Variants in WDPCP observed in about 807,000 individuals in gnomAD.
The protein encoded by WDPCP is WD repeat-containing and planar cell polarity effector protein fritz homolog.
A neutral mutation model predicts 93.1 loss-of-function variants in WDPCP; 71 were observed. That is an observed-to-expected ratio of 0.76 (90% CI 0.63 to 0.93). The LOEUF (loss-of-function observed/expected upper bound fraction) is 0.93. Ranked by LOEUF, WDPCP falls within the 40% of genes least tolerant of loss-of-function variation. The probability of loss-of-function intolerance (pLI) is 0.00; values close to 1 mark genes in which losing one functional copy is unlikely to be tolerated. For synonymous variants in WDPCP, 315 were observed against 315.0 expected, an observed-to-expected ratio of 1.00 and a Z score of 0.00; for missense variants, 844 against 887.4, an observed-to-expected ratio of 0.95 and a Z score of 0.62.
At chr2:63,521,608 G>A (rs930516452) in intron 1 of WDPCP, among the ~76,000 whole-genome samples, 1 of 152,116 alleles carries the variant, frequency 6.6e-6, no homozygotes, top group African/African-American at 2.4e-5. Context: ...GACAGTATTA[G>A]ACAGATCATC....
At position 63,437,422 on chromosome 2, in the gene WDPCP, T is replaced by TTA. The variant is rs769674404; in HGVS notation, c.630_631dup (p.Lys211IlefsTer12). 17 of 1,597,674 alleles carry TTA rather than the reference T, an allele frequency of 1.1e-5. No individual in the cohort carries two copies. The highest frequency in any genetic ancestry group is 1.5e-5 in the Non-Finnish European group (17 of 1,170,952). On this transcript the variant is annotated frameshift_variant and splice_region_variant, in exon 8 of 18. Coordinates refer to ENST00000272321, the MANE Select transcript of WDPCP (RefSeq NM_015910.7). LOFTEE classifies it high-confidence loss of function. ...GACTATATAAATCAAAATCTCTACC[T>TTA]TATAATCCAAGGCTGAGAGTTTTTC...
chr2:63,548,841 T>C (rs1221780516), intron 1 of WDPCP, among the ~76,000 whole-genome samples: 1 of 151,968 alleles, frequency 6.6e-6, no homozygotes, highest in African/African-American at 2.4e-5. Flanking sequence ...CAAAAAATAA[T>C]TAAAATAAAT....
At chr2:63,444,822 C>A (rs17027898) in intron 6 of WDPCP, among the ~76,000 whole-genome samples, 2,350 of 152,246 alleles carry the variant, frequency 0.015, 135 homozygotes, top group East Asian at 0.13. Flanking sequence ...TTCTTTGACA[C>A]CCCGCCAGAC....
intron 12 of WDPCP, among the ~76,000 whole-genome samples, chr2:63,329,097 T>C (rs527589536): frequency 6.6e-6 from 1 of 152,354 alleles, no homozygotes; most frequent in Admixed American, 6.5e-5. Flanking sequence ...TGTAGTACAG[T>C]ATTTGTTAAT....
chr2:63,160,432 G>C (rs553870581), intron 15 of WDPCP, among the ~76,000 whole-genome samples: 1 of 152,228 alleles, frequency 6.6e-6, no homozygotes, highest in East Asian at 1.9e-4. Flanking sequence ...GTTTCTGAAA[G>C]ATTGATACTG....
At chr2:63,464,509 A>G (rs1699218407) in intron 6 of WDPCP, among the ~76,000 whole-genome samples, 2 of 152,190 alleles carry the variant, frequency 1.3e-5, no homozygotes, top group African/African-American at 4.8e-5. Flanking sequence ...GAACTAGCGT[A>G]TGATCTAGTG....
intron 14 of WDPCP, among the ~76,000 whole-genome samples, chr2:63,200,546 G>A (rs1181917705): frequency 4.6e-5 from 7 of 152,098 alleles, no homozygotes; most frequent in African/African-American, 9.7e-5. Flanking sequence ...GCAACAACAC[G>A]GATGGAAGTG....
At chr2:63,604,025 C>G (rs1347327178) in intron 3 of WDPCP, among the ~76,000 whole-genome samples, 1 of 152,196 alleles carries the variant, frequency 6.6e-6, no homozygotes, top group Admixed American at 6.5e-5. Context: ...TTGCAGGACC[C>G]TAAAGTGCTT....
Position 63,119,991 on chromosome 2 carries a change from A to G in WDPCP, c.*2015T>C, listed in dbSNP as rs868082214. The stretch of plus-strand genomic sequence containing the variant: ...GGGGAAAATGGGTACTTTAAGAACT[A>G]TGATTTGTTTAATTTTCACCTACAT... On this transcript the variant is annotated 3_prime_UTR_variant, in exon 18 of 18. Transcript: ENST00000272321. Among the ~76,000 whole-genome samples, 5 of 152,274 alleles carry G rather than the reference A, an allele frequency of 3.3e-5. 1 individual carries two copies. The highest frequency in any genetic ancestry group is 6.8e-3 in the Middle Eastern group (2 of 294).
intron 17 of WDPCP, among the ~76,000 whole-genome samples, chr2:63,150,128 A>G (rs1671790023): frequency 1.3e-5 from 2 of 152,190 alleles, no homozygotes; most frequent in Admixed American, 1.3e-4. Context: ...TTGAGGAGGG[A>G]CACCCAGGGG....
the WDPCP span, among the ~76,000 whole-genome samples, chr2:63,832,874 CTT>C: frequency 6.6e-6 from 1 of 152,174 alleles, no homozygotes; most frequent in Admixed American, 6.5e-5. Context: ...ATAACAATAA[CTT>C]GAGATTAATC....
chr2:63,338,551 TAAA>T (rs373990599), intron 12 of WDPCP, among the ~76,000 whole-genome samples: 73 of 25,036 alleles, frequency 2.9e-3, no homozygotes, highest in Middle Eastern at 0.028. Flanking sequence ...AAACTCCATC[TAAA>T]AAAAAAAAAA....
chr2:63,346,812 C>T (rs1575192167), intron 12 of WDPCP, among the ~76,000 whole-genome samples: 3 of 152,190 alleles, frequency 2.0e-5, no homozygotes, highest in African/African-American at 4.8e-5. Flanking sequence ...CACTTGCATT[C>T]CCTCTCTTTG....
chr2:63,437,361 T>C (rs972236111), intron 8 of WDPCP, 60 bp downstream of exon 8: 71 of 1,309,940 alleles, frequency 5.4e-5, no homozygotes, highest in Non-Finnish European at 6.6e-5. Flanking sequence ...TACCAACTTA[T>C]GTGATACTCT....
In WDPCP at chr2:63,722,582, G is replaced by A. The variant is rs1402658272; in HGVS notation, n.309-71744C>T. On this transcript the variant is annotated intron_variant and non_coding_transcript_variant, in intron 2 of 4. Transcript: ENST00000467687. ...GTGGGGGGGGGTCAGCCCCCCGCCC[G>A]GCCAGCCGCCCCGTCCGGGAGGGAG... Among the ~76,000 whole-genome samples, 9 of 129,360 alleles carry A rather than the reference G, an allele frequency of 7.0e-5. 1 individual carries two copies. Among genetic ancestry groups the A allele is most frequent in the Admixed American group, 1.5e-4 (2 of 13,100 alleles). The allele number at this position is 129,360 out of a possible 152,430, so 84.9% of individuals were successfully genotyped here.
intron 2 of WDPCP, among the ~76,000 whole-genome samples, chr2:63,799,859 T>C (rs2104030390): frequency 6.6e-6 from 1 of 152,280 alleles, no homozygotes; most frequent in South Asian, 2.1e-4. Flanking sequence ...GGCAATGTAA[T>C]GAACTCAATT....
intron 9 of WDPCP, among the ~76,000 whole-genome samples, chr2:63,405,123 C>T (rs1878506): frequency 0.044 from 6,737 of 152,134 alleles, 180 homozygotes; most frequent in South Asian, 0.067. Flanking sequence ...ACCTACCACC[C>T]TTGTCAATTC....
chr2:63,529,875 G>T (rs1703687619), intron 1 of WDPCP, among the ~76,000 whole-genome samples: 1 of 152,114 alleles, frequency 6.6e-6, no homozygotes, highest in Non-Finnish European at 1.5e-5. Context: ...CTCAATTTCA[G>T]ACCCTGTTAT....
intron 14 of WDPCP, among the ~76,000 whole-genome samples, chr2:63,211,052 G>C (rs559982475): frequency 3.3e-5 from 5 of 152,324 alleles, no homozygotes; most frequent in Admixed American, 1.3e-4. Flanking sequence ...TGAACAAAAG[G>C]CAGCAGAAAC....
Sources: allele counts gnomAD v4.1 joint callset (sites outside exome capture counted in the v4.1 genomes callset), GRCh38; gene constraint gnomAD v4.1.1; transcripts MANE v1.5; gene names NCBI Gene and HGNC (gene_info 2026-07-23, HGNC 2026-07-21).